The following LINC00305 variants were observed in gnomAD, a reference collection of about 807,000 sequenced individuals.
LINC00305 encodes long intergenic non-protein coding RNA 305.
chr18:64,133,253 G>A (rs933109342), intron 1 of LINC00305, among the ~76,000 whole-genome samples: 3 of 152,146 alleles, frequency 2.0e-5, no homozygotes, highest in African/African-American at 7.2e-5. Context: ...AGAGAAGAGA[G>A]GACATATAGT....
chr18:64,131,363 G>T (rs765045628), intron 1 of LINC00305, among the ~76,000 whole-genome samples: 1 of 152,074 alleles, frequency 6.6e-6, no homozygotes, highest in African/African-American at 2.4e-5. Flanking sequence ...AAGTATTCAC[G>T]CTTGGCTTAT....
At chr18:64,135,392 G>A (rs1293024805) in intron 1 of LINC00305, among the ~76,000 whole-genome samples, 1 of 151,998 alleles carries the variant, frequency 6.6e-6, no homozygotes, top group African/African-American at 2.4e-5. Flanking sequence ...TGAACATTTT[G>A]TTAAGGCTAT....
At chr18:64,143,846 A>G (rs745609713) in intron 1 of LINC00305, among the ~76,000 whole-genome samples, 9 of 114,776 alleles carry the variant, frequency 7.8e-5, no homozygotes, top group South Asian at 4.9e-4. Flanking sequence ...ATGTATGTAT[A>G]CATACATACA....
chr18:64,118,824 CTGTGTGTGTGTGTGTGTGTGTG>C (rs58215196), intron 1 of LINC00305, among the ~76,000 whole-genome samples: 2 of 144,354 alleles, frequency 1.4e-5, no homozygotes, highest in African/African-American at 2.6e-5. Flanking sequence ...CCCTGGGGGT[CTGTGTGTGTGTGTGTGTGTGTG>C]TGTGTGTGTG....
chr18:64,104,934 C>T (rs950961759), intron 1 of LINC00305, among the ~76,000 whole-genome samples: 1 of 149,364 alleles, frequency 6.7e-6, no homozygotes, highest in Non-Finnish European at 1.5e-5. Flanking sequence ...GTGGTGGGGG[C>T]TGGAGGGTGT....
At chr18:64,147,845 C>T (rs2051505272) in intron 1 of LINC00305, among the ~76,000 whole-genome samples, 1 of 152,120 alleles carries the variant, frequency 6.6e-6, no homozygotes, top group South Asian at 2.1e-4. Context: ...GACCAAGTCT[C>T]CTGTGTGAAT....
Position 64,119,996 on chromosome 18 carries a change from CA to C in LINC00305, n.315-21357del, listed in dbSNP as rs770955075. On this transcript the variant is annotated intron_variant and non_coding_transcript_variant, in intron 1 of 3. Transcript: ENST00000666468. ...TGGAGAGAACGAACAGCCAATGCCA[CA>C]AAAAAAACAAAATAAGCTTTGGGTC... Among the ~76,000 whole-genome samples the C allele has an allele frequency of 7.9e-5, 12 of 151,576 alleles. No homozygotes were observed. In the South Asian group the frequency reaches 1.0e-3, roughly 13 times the overall value.
chr18:64,137,483 A>T (rs1323072654), intron 1 of LINC00305, among the ~76,000 whole-genome samples: 1 of 152,236 alleles, frequency 6.6e-6, no homozygotes, highest in East Asian at 1.9e-4. Context: ...TCACCAACGA[A>T]TAATATTTTC....
At chr18:64,094,091 T>A (rs2051235556) in intron 3 of LINC00305, among the ~76,000 whole-genome samples, 1 of 152,156 alleles carries the variant, frequency 6.6e-6, no homozygotes, top group East Asian at 1.9e-4. Context: ...TTTGGTAAGA[T>A]GAAACTTGAT....
intron 3 of LINC00305, among the ~76,000 whole-genome samples, chr18:64,085,820 C>G (rs1944274): frequency 6.6e-6 from 1 of 152,170 alleles, no homozygotes; most frequent in Non-Finnish European, 1.5e-5. Flanking sequence ...GACATGGGGA[C>G]AACTCTAGCT....
At chr18:64,143,613 T>G (rs1390628310) in intron 1 of LINC00305, among the ~76,000 whole-genome samples, 1 of 113,132 alleles carries the variant, frequency 8.8e-6, no homozygotes, top group East Asian at 2.3e-4. Context: ...TATGTACATA[T>G]GTACACATAT....
intron 1 of LINC00305, among the ~76,000 whole-genome samples, chr18:64,101,070 G>A (rs372898997): frequency 1.1e-4 from 17 of 152,258 alleles, no homozygotes; most frequent in East Asian, 3.9e-4. Flanking sequence ...GAGCAACCCC[G>A]TCTCTACCAT....
At chr18:64,148,587 T>A (rs1028413531) in intron 1 of LINC00305, among the ~76,000 whole-genome samples, 3 of 152,182 alleles carry the variant, frequency 2.0e-5, no homozygotes, top group African/African-American at 7.2e-5. Flanking sequence ...TGGGGGGTTA[T>A]CTCCAGATTT....
intron 1 of LINC00305, among the ~76,000 whole-genome samples, chr18:64,106,540 T>G (rs757152584): frequency 3.3e-5 from 5 of 152,230 alleles, no homozygotes; most frequent in Non-Finnish European, 7.3e-5. Context: ...CATTGTCATC[T>G]GGAGTTTCTG....
At chr18:64,148,709 G>A (rs1250390733) in intron 1 of LINC00305, 1 of 152,150 alleles carries the variant, frequency 6.6e-6, no homozygotes, top group Admixed American at 6.5e-5. Context: ...GGTGGCTGTT[G>A]GTTGATGTGT....
intron 1 of LINC00305, among the ~76,000 whole-genome samples, chr18:64,132,436 T>C (rs1269141448): frequency 6.6e-6 from 1 of 152,246 alleles, no homozygotes; most frequent in Non-Finnish European, 1.5e-5. Context: ...ACATATTCAA[T>C]AATGATCTGT....
intron 3 of LINC00305, among the ~76,000 whole-genome samples, chr18:64,092,920 C>T (rs2051230574): frequency 6.6e-6 from 1 of 152,164 alleles, no homozygotes; most frequent in Non-Finnish European, 1.5e-5. Context: ...ACCACTCCTT[C>T]TGAACAAAAT....
chr18:64,092,946 G>T (rs1268270408), intron 3 of LINC00305, among the ~76,000 whole-genome samples: 1 of 152,176 alleles, frequency 6.6e-6, no homozygotes, highest in Non-Finnish European at 1.5e-5. Flanking sequence ...TTAGGACAGA[G>T]AACATATCTC....
intron 1 of LINC00305, among the ~76,000 whole-genome samples, chr18:64,124,885 G>A (rs927850212): frequency 1.3e-5 from 2 of 152,058 alleles, no homozygotes; most frequent in African/African-American, 2.4e-5. Flanking sequence ...GAATGACCAG[G>A]CTTCTAACCT....
Sources: allele counts gnomAD v4.1 joint callset (sites outside exome capture counted in the v4.1 genomes callset), GRCh38; gene constraint gnomAD v4.1.1; transcripts MANE v1.5; gene names NCBI Gene and HGNC (gene_info 2026-07-23, HGNC 2026-07-21).